EXOC6B: variants seen among roughly 807,000 people sequenced by gnomAD.
EXOC6B encodes SEC15 homolog B.
EXOC6B carries 54 observed loss-of-function variants against 113.5 expected under a neutral mutation model. The observed-to-expected ratio is 0.48, with a 90% CI of 0.38 to 0.60. The LOEUF is 0.60. Among genes scored for constraint, EXOC6B ranks in the 20% least tolerant of loss-of-function variants. The pLI is 0.00. For missense variants in EXOC6B, 797 were observed against 977.5 expected, an observed-to-expected ratio of 0.82 and a Z score of 2.46; for synonymous variants, 357 against 339.0, an observed-to-expected ratio of 1.05 and a Z score of -0.58.
At chr2:72,538,159 C>T (rs1018587281) in intron 8 of EXOC6B, among the ~76,000 whole-genome samples, 1 of 151,808 alleles carries the variant, frequency 6.6e-6, no homozygotes, top group Non-Finnish European at 1.5e-5. Context: ...AATGAGGTGT[C>T]GCTATGTTGC....
At chr2:72,613,520 T>C (rs934082216) in intron 6 of EXOC6B, among the ~76,000 whole-genome samples, 3 of 152,102 alleles carry the variant, frequency 2.0e-5, no homozygotes, top group African/African-American at 7.2e-5. Context: ...TAGACTCTTA[T>C]AGTTATACAA....
intron 6 of EXOC6B, among the ~76,000 whole-genome samples, chr2:72,648,760 G>T (rs1388848852): frequency 1.3e-5 from 2 of 152,184 alleles, no homozygotes; most frequent in Non-Finnish European, 2.9e-5. Flanking sequence ...CAACATGGAT[G>T]GAACCGGAAG....
chr2:72,206,820 T>C (rs1679869842), intron 20 of EXOC6B, among the ~76,000 whole-genome samples: 1 of 152,234 alleles, frequency 6.6e-6, no homozygotes, highest in African/African-American at 2.4e-5. Context: ...TAGAATAAGT[T>C]CTACTTCTTT....
intron 1 of EXOC6B, among the ~76,000 whole-genome samples, chr2:72,784,210 T>A (rs1178201381): frequency 6.6e-6 from 1 of 152,208 alleles, no homozygotes; most frequent in Non-Finnish European, 1.5e-5. Flanking sequence ...ATGTGTCTAT[T>A]TTTATACCAA....
chr2:72,799,388 A>G (rs1483222372), intron 1 of EXOC6B, among the ~76,000 whole-genome samples: 1 of 151,954 alleles, frequency 6.6e-6, no homozygotes, highest in Non-Finnish European at 1.5e-5. Flanking sequence ...TGGGCAACAT[A>G]GCAAAACCCC....
intron 1 of EXOC6B, among the ~76,000 whole-genome samples, chr2:72,767,723 G>C (rs1225899989): frequency 6.8e-6 from 1 of 147,488 alleles, no homozygotes; most frequent in Non-Finnish European, 1.5e-5. Flanking sequence ...TGAGGTGGGA[G>C]TATCACCTAA....
At chr2:72,801,763 C>T (rs893073322) in intron 1 of EXOC6B, among the ~76,000 whole-genome samples, 1 of 152,158 alleles carries the variant, frequency 6.6e-6, no homozygotes, top group Non-Finnish European at 1.5e-5. Context: ...TTCTTATTTG[C>T]TCCAAGAAGA....
At chr2:72,465,790 T>C (rs1052969921) in intron 17 of EXOC6B, among the ~76,000 whole-genome samples, 2 of 152,186 alleles carry the variant, frequency 1.3e-5, no homozygotes, top group African/African-American at 4.8e-5. Context: ...CATTCAATAT[T>C]CACTTTCATT....
At position 72,692,181 on chromosome 2, in the gene EXOC6B, T is replaced by C. The variant is rs574504312; in HGVS notation, c.669+25922A>G. Among the ~76,000 whole-genome samples, 8 of 152,220 alleles carry C rather than the reference T, an allele frequency of 5.3e-5. No individual in the cohort carries two copies. In the South Asian group the frequency reaches 1.0e-3, roughly 20 times the overall value. ...GCTTACTAGATGATTACTGATATGA[T>C]CACTAATTGATTAGCATATGCTTAC... On this transcript the variant is annotated intron_variant, in intron 6 of 21. Transcript: ENST00000272427.
chr2:72,266,612 A>G (rs1684104494), intron 20 of EXOC6B, among the ~76,000 whole-genome samples: 1 of 151,920 alleles, frequency 6.6e-6, no homozygotes. Flanking sequence ...CCATTGATCT[A>G]TATCTCTGTT....
chr2:72,733,114 T>G lies in EXOC6B; in HGVS notation c.284A>C (p.Gln95Pro), dbSNP rs544563138. The change falls in exon 3 of 22, where the codon CAA (glutamine) becomes CCA (proline). Residue 95 changes from glutamine to proline, a missense_variant. By Grantham distance (76) the Gln-to-Pro change is moderately conservative. Coordinates refer to ENST00000272427, the MANE Select transcript of EXOC6B (RefSeq NM_015189.3). ...TAGTTTTCTATTAGTATCCGTCACT[T>G]GATTCTGTGGAGAGAAGACAATTTA... ...VRGEAQKLKN[Q>P]VTDTNRKLQH... The G allele has an allele frequency of 6.3e-7, 1 of 1,589,360 alleles. No homozygotes were observed. The highest frequency in any genetic ancestry group is 8.6e-7 in the Non-Finnish European group (1 of 1,164,904).
chr2:72,799,376 C>T (rs1031494027), intron 1 of EXOC6B, among the ~76,000 whole-genome samples: 1 of 151,816 alleles, frequency 6.6e-6, no homozygotes, highest in African/African-American at 2.4e-5. Context: ...TTGAGACCAA[C>T]CTGGGCAACA....
rs1040652113 is a variant in EXOC6B at position 72,733,203 on chromosome 2, T to A, written c.280-85A>T. Reference sequence around the variant, plus strand: ...AGATCTAAATTTAATATGAAAAGATTAGGAATAGGCAGTTAAATATTTTCA... The same window carrying A: ...AGATCTAAATTTAATATGAAAAGATAAGGAATAGGCAGTTAAATATTTTCA... On this transcript the variant is annotated intron_variant, in intron 2 of 21. Coordinates refer to ENST00000272427, the MANE Select transcript of EXOC6B (RefSeq NM_015189.3). 3 of 989,052 alleles carry A rather than the reference T, an allele frequency of 3.0e-6. No individual in the cohort carries two copies. In the African/African-American group the frequency reaches 4.8e-5, roughly 16 times the overall value. 61.3% of individuals were successfully genotyped at this position (989,052 alleles called of 1,614,324 possible). A position where few individuals can be genotyped will look rare whatever the true frequency, so the allele number is the denominator to read the frequency against.
rs2104183480 is a variant in EXOC6B, at chr2:72,178,800, C to A, written c.*535G>T. ...GCCATATGCCATGCTTGTTCACAAG[C>A]CAGTGAAAGTCAGCAGACTGAGGAG... On this transcript the variant is annotated 3_prime_UTR_variant, in exon 22 of 22. Transcript: ENST00000272427. The A allele has an allele frequency of 6.6e-6, 1 of 152,522 alleles. No individual in the cohort carries two copies. Among genetic ancestry groups the A allele is most frequent in the South Asian group, 2.1e-4 (1 of 4,826 alleles). The allele number at this position is 152,522 out of a possible 1,614,324, so 9.4% of individuals were successfully genotyped here.
intron 6 of EXOC6B, among the ~76,000 whole-genome samples, chr2:72,622,649 G>T (rs1269721679): frequency 6.6e-6 from 1 of 152,100 alleles, no homozygotes; most frequent in Non-Finnish European, 1.5e-5. Flanking sequence ...GGCAGAGGTT[G>T]CAGTGAGCTG....
At chr2:72,649,576 CTAAA>C (rs1674012763) in intron 6 of EXOC6B, among the ~76,000 whole-genome samples, 1 of 151,690 alleles carries the variant, frequency 6.6e-6, no homozygotes, top group Non-Finnish European at 1.5e-5. Context: ...TTTTTAAAAA[CTAAA>C]TAAATAAAAT....
intron 7 of EXOC6B, among the ~76,000 whole-genome samples, chr2:72,574,148 A>T (rs1478983375): frequency 6.6e-6 from 1 of 151,468 alleles, no homozygotes; most frequent in Non-Finnish European, 1.5e-5. Flanking sequence ...TTACATTCTT[A>T]TGATAGCTCC....
chr2:72,814,984 C>T (rs137957975), intron 1 of EXOC6B, among the ~76,000 whole-genome samples: 2,134 of 152,228 alleles, frequency 0.014, 45 homozygotes, highest in African/African-American at 0.049. Context: ...GAGCGAGACT[C>T]CGTCTCAAAA....
chr2:72,455,648 A>T (rs748180715), intron 18 of EXOC6B, among the ~76,000 whole-genome samples: 8 of 152,184 alleles, frequency 5.3e-5, no homozygotes, highest in Admixed American at 6.5e-5. Flanking sequence ...GTGTAAGCTA[A>T]TCTAATTTTT....
Sources: gnomAD v4.1 joint callset for allele counts (sites outside exome capture counted in the v4.1 genomes callset) on GRCh38, gnomAD v4.1.1 for gene constraint, MANE v1.5 for transcripts, NCBI Gene and HGNC (gene_info 2026-07-23, HGNC 2026-07-21) for gene names.